The following CFDP1 variants were observed in gnomAD, a reference collection of about 807,000 sequenced individuals.
CFDP1 encodes the protein heterochromatin-stabilizing protein CFDP1.
A neutral mutation model predicts 40.1 loss-of-function variants in CFDP1; 31 were observed. That is an observed-to-expected ratio of 0.77 (90% CI 0.58 to 1.04). CFDP1 has a LOEUF of 1.04. Among genes scored for constraint, CFDP1 ranks in the 50% least tolerant of loss-of-function variants. The pLI, the probability that CFDP1 is intolerant of heterozygous loss-of-function variation, is 0.00. For synonymous variants in CFDP1, 167 were observed against 120.0 expected, an observed-to-expected ratio of 1.39 and a Z score of -2.56; for missense variants, 423 against 343.4, an observed-to-expected ratio of 1.23 and a Z score of -1.83.
chr16:75,353,184 T>C (rs2078624242), intron 5 of CFDP1, among the ~76,000 whole-genome samples: 1 of 152,216 alleles, frequency 6.6e-6, no homozygotes, highest in Non-Finnish European at 1.5e-5. Flanking sequence ...TGTATAGACC[T>C]TACTGGATCC....
intron 5 of CFDP1, among the ~76,000 whole-genome samples, chr16:75,332,401 G>A (rs1361010699): frequency 1.3e-5 from 2 of 152,124 alleles, no homozygotes; most frequent in African/African-American, 4.8e-5. Context: ...AGAGGTGGAA[G>A]TTGCAGTGAG....
At chr16:75,374,292 C>G (rs1394219672) in intron 5 of CFDP1, among the ~76,000 whole-genome samples, 1 of 151,660 alleles carries the variant, frequency 6.6e-6, no homozygotes, top group Non-Finnish European at 1.5e-5. Flanking sequence ...CTATACTAGC[C>G]ATTAACAAGA....
intron 5 of CFDP1, among the ~76,000 whole-genome samples, chr16:75,375,564 G>C (rs112239643): frequency 4.6e-5 from 7 of 152,220 alleles, no homozygotes; most frequent in African/African-American, 1.4e-4. Context: ...GGCCGAGGCG[G>C]GTGGATCACC....
At chr16:75,326,811 C>A (rs1334168383) in intron 5 of CFDP1, among the ~76,000 whole-genome samples, 9 of 152,164 alleles carry the variant, frequency 5.9e-5, no homozygotes, top group Non-Finnish European at 1.3e-4. Flanking sequence ...GAAGCAATGG[C>A]CTCACAATTC....
At chr16:75,422,964 T>G (rs972908618) in intron 1 of CFDP1, among the ~76,000 whole-genome samples, 11 of 151,872 alleles carry the variant, frequency 7.2e-5, no homozygotes, top group African/African-American at 2.7e-4. Context: ...GGCAACATGG[T>G]GAGAGACCTC....
chr16:75,427,243 T>C (rs2079352195), intron 1 of CFDP1, among the ~76,000 whole-genome samples: 4 of 151,722 alleles, frequency 2.6e-5, no homozygotes, highest in Admixed American at 2.6e-4. Context: ...AAGGAGAAAT[T>C]AGCTAATTTT....
chr16:75,339,580 T>C (rs1008495556), intron 5 of CFDP1, among the ~76,000 whole-genome samples: 1 of 152,176 alleles, frequency 6.6e-6, no homozygotes, highest in Non-Finnish European at 1.5e-5. Context: ...CCAATCTCCA[T>C]CGGTTACAGG....
At chr16:75,314,160 C>T (rs1442473212) in intron 5 of CFDP1, among the ~76,000 whole-genome samples, 2 of 152,212 alleles carry the variant, frequency 1.3e-5, no homozygotes, top group African/African-American at 2.4e-5. Context: ...GCAGAGATTA[C>T]AGGCGTGAGC....
chr16:75,340,913 G>A (rs926145218), intron 5 of CFDP1, among the ~76,000 whole-genome samples: 4 of 152,144 alleles, frequency 2.6e-5, no homozygotes, highest in African/African-American at 9.7e-5. Context: ...GAAAACCTCA[G>A]CTGGTAATGG....
rs748272326 is a variant in CFDP1, at chr16:75,305,078, T to A, written c.755A>T (p.Lys252Met). Residue 252 changes from lysine (K) to methionine (M), a missense_variant, in exon 6 of 7, where the codon AAG becomes ATG. By Grantham distance (95) the Lys-to-Met change is moderately conservative (BLOSUM62 -1). Coordinates refer to ENST00000283882, the MANE Select transcript of CFDP1 (RefSeq NM_006324.3). Reference sequence around the variant, plus strand: ...TTCTTCACCAATCCCCTCTTCCTCCTTGAAGCTCTCCCAGTCCAGTTTGGA... The same window carrying A: ...TTCTTCACCAATCCCCTCTTCCTCCATGAAGCTCTCCCAGTCCAGTTTGGA... ...EKSKLDWESF[K>M]EEEGIGEELA... 6.2e-7 allele frequency: 1 copy of A among 1,614,180 alleles called. No individual in the cohort carries two copies. Among genetic ancestry groups the A allele is most frequent in the Non-Finnish European group, 8.5e-7 (1 of 1,180,016 alleles).
chr16:75,394,528 C>G (rs1228705586), intron 5 of CFDP1, among the ~76,000 whole-genome samples: 2 of 151,980 alleles, frequency 1.3e-5, no homozygotes, highest in Non-Finnish European at 2.9e-5. Context: ...CTGCAGAAGG[C>G]TGATATTTTC....
chr16:75,332,175 TA>T (rs1199383425), intron 5 of CFDP1, among the ~76,000 whole-genome samples: 4 of 151,940 alleles, frequency 2.6e-5, no homozygotes, highest in African/African-American at 7.3e-5. Context: ...CTACGAAAAA[TA>T]AAATTAGGCC....
intron 6 of CFDP1, among the ~76,000 whole-genome samples, chr16:75,299,854 G>T (rs1597316449): frequency 2.0e-5 from 3 of 152,276 alleles, no homozygotes; most frequent in Admixed American, 2.0e-4. Context: ...GTGACTGAGG[G>T]TTCCTTGGGT....
chr16:75,320,345 G>T (rs964767694), intron 5 of CFDP1, among the ~76,000 whole-genome samples: 6 of 152,020 alleles, frequency 3.9e-5, no homozygotes, highest in Admixed American at 6.5e-5. Flanking sequence ...CAAAAAGTTT[G>T]AAAAAGATGC....
At chr16:75,413,490 T>G (rs911257900) in intron 2 of CFDP1, among the ~76,000 whole-genome samples, 1 of 144,064 alleles carries the variant, frequency 6.9e-6, no homozygotes, top group African/African-American at 2.6e-5. Context: ...GAGGCGGAGG[T>G]TGCATTGAGC....
intron 5 of CFDP1, among the ~76,000 whole-genome samples, chr16:75,393,038 T>C (rs370347229): frequency 3.9e-5 from 6 of 152,300 alleles, no homozygotes; most frequent in African/African-American, 9.6e-5. Context: ...AGTGCCATGA[T>C]ACATGCTGAG....
chr16:75,417,288 T>A (rs1404006657), intron 1 of CFDP1, among the ~76,000 whole-genome samples: 1 of 152,258 alleles, frequency 6.6e-6, no homozygotes, highest in Non-Finnish European at 1.5e-5. Context: ...CACTCAGTAC[T>A]GTTTGTAATA....
chr16:75,389,831 C>T (rs541378513), intron 5 of CFDP1, among the ~76,000 whole-genome samples: 2 of 152,264 alleles, frequency 1.3e-5, no homozygotes, highest in East Asian at 3.9e-4. Flanking sequence ...CACTCAGATA[C>T]CCCAGATCAG....
At chr16:75,410,200 T>C (rs928242941) in intron 4 of CFDP1, among the ~76,000 whole-genome samples, 1 of 152,114 alleles carries the variant, frequency 6.6e-6, no homozygotes, top group Non-Finnish European at 1.5e-5. Flanking sequence ...AAAATTGTAT[T>C]TTCAGAGAGC....
Sources: allele counts gnomAD v4.1 joint callset (sites outside exome capture counted in the v4.1 genomes callset), GRCh38; gene constraint gnomAD v4.1.1; transcripts MANE v1.5; gene names NCBI Gene and HGNC (gene_info 2026-07-23, HGNC 2026-07-21).